Variants in ZZEF1 observed in about 807,000 individuals in gnomAD.
The protein encoded by ZZEF1 is zinc finger ZZ-type and EF-hand domain containing 1, also known as zinc finger ZZ-type and EF-hand domain-containing protein 1.
A neutral mutation model predicts 342.8 loss-of-function variants in ZZEF1; 157 were observed. The observed-to-expected ratio is 0.46, with a 90% CI of 0.40 to 0.52. The LOEUF (loss-of-function observed/expected upper bound fraction) is 0.52. Ranked by LOEUF, ZZEF1 falls within the 20% of genes least tolerant of loss-of-function variation. The pLI is 0.00. For synonymous variants in ZZEF1, 1,505 were observed against 1,429.1 expected (o/e 1.05, Z -1.20); for missense variants, 3,480 against 3,725.6 (o/e 0.93, Z 1.72).
chr17:4,068,143 T>C (rs2057438740), intron 26 of ZZEF1, among the ~76,000 whole-genome samples: 1 of 152,164 alleles, frequency 6.6e-6, no homozygotes, highest in South Asian at 2.1e-4. Context: ...TACATACATA[T>C]GAATATACCT....
chr17:4,138,153 T>C (rs867949208), intron 1 of ZZEF1, among the ~76,000 whole-genome samples: 1 of 152,134 alleles, frequency 6.6e-6, no homozygotes, highest in Admixed American at 6.5e-5. Flanking sequence ...GTCCCTTGGG[T>C]AGTGGAGAGC....
intron 11 of ZZEF1, among the ~76,000 whole-genome samples, chr17:4,093,249 T>C (rs754153602): frequency 6.6e-6 from 1 of 152,192 alleles, no homozygotes; most frequent in Non-Finnish European, 1.5e-5. Flanking sequence ...CCCAGTGTCA[T>C]CTCTAGTTAT....
chr17:4,094,549 G>C (rs2727067), intron 11 of ZZEF1, among the ~76,000 whole-genome samples: 1 of 148,962 alleles, frequency 6.7e-6, no homozygotes, highest in African/African-American at 2.4e-5. Context: ...ATTGGCTACC[G>C]ATTATCCATT....
chr17:4,039,060 G>C (rs1163150085), intron 39 of ZZEF1, among the ~76,000 whole-genome samples: 1 of 151,996 alleles, frequency 6.6e-6, no homozygotes, highest in Admixed American at 6.6e-5. Context: ...AGATTATTAG[G>C]GGAAAATAAC....
At chr17:4,141,440 A>C (rs2145636373) in intron 1 of ZZEF1, among the ~76,000 whole-genome samples, 1 of 152,280 alleles carries the variant, frequency 6.6e-6, no homozygotes, top group South Asian at 2.1e-4. Context: ...TGACTGGCTA[A>C]CTCATTTTCA....
chr17:4,021,620 G>A (rs574531103), intron 44 of ZZEF1, among the ~76,000 whole-genome samples: 2 of 152,288 alleles, frequency 1.3e-5, no homozygotes, highest in South Asian at 4.1e-4. Flanking sequence ...ATGCTCATAT[G>A]CTTTCACCCA....
intron 11 of ZZEF1, 102 bp downstream of exon 11, chr17:4,095,724 AAAGAC>A: frequency 8.0e-7 from 1 of 1,255,584 alleles, no homozygotes; most frequent in Middle Eastern, 2.8e-4. Context: ...CCTTTTCTAT[AAAGAC>A]AAGCAAGCAC....
intron 8 of ZZEF1, 149 bp from the exon 9 acceptor site, chr17:4,102,564 CA>C: frequency 1.6e-6 from 1 of 630,390 alleles, no homozygotes. Context: ...GCAGTAATAT[CA>C]GACAAAAGTT....
intron 34 of ZZEF1, 74 bp downstream of exon 34, chr17:4,053,983 T>C (rs753572438): frequency 6.7e-6 from 10 of 1,500,292 alleles, no homozygotes; most frequent in Non-Finnish European, 8.9e-6. Context: ...TGAGAGTTTT[T>C]AAAAATGACA....
chr17:4,075,524 A>G, intron 21 of ZZEF1, 95 bp from the exon 22 acceptor site: 1 of 1,441,412 alleles, frequency 6.9e-7, no homozygotes, highest in Non-Finnish European at 9.4e-7. Flanking sequence ...CTCCAGGCAG[A>G]TGGCCTTGAC....
intron 31 of ZZEF1, 40 bp from the exon 32 acceptor site, chr17:4,058,195 C>T (rs781839): frequency 0.41 from 635,706 of 1,565,814 alleles, 134,718 homozygotes; most frequent in African/African-American, 0.75. Flanking sequence ...GAGCTGCTTA[C>T]TCCCAACAGA....
chr17:4,058,967 T>C (rs369839068), intron 31 of ZZEF1, among the ~76,000 whole-genome samples: 8 of 151,686 alleles, frequency 5.3e-5, no homozygotes, highest in African/African-American at 1.9e-4. Context: ...AAAAAGAAAA[T>C]ATACACACCA....
Position 4,142,985 on chromosome 17 carries a change from G to A in ZZEF1, c.-90C>T. 1 of 1,263,356 alleles carries A rather than the reference G, an allele frequency of 7.9e-7. No individual in the cohort carries two copies. Among genetic ancestry groups the A allele is most frequent in the Non-Finnish European group, 9.9e-7 (1 of 1,008,478 alleles). 78.3% of individuals were successfully genotyped at this position (1,263,356 alleles called of 1,614,324 possible). A position where few individuals can be genotyped will look rare whatever the true frequency, so the allele number is the denominator to read the frequency against. On this transcript the variant is annotated 5_prime_UTR_variant, in exon 1 of 55. Coordinates refer to ENST00000381638, the MANE Select transcript of ZZEF1 (RefSeq NM_015113.4). ...AACCTCCGACAGCAGCTGGCGGGCGGGGACGCGGAGGAGACGACGGCGGCC... is the reference window on the plus strand; with the variant it reads ...AACCTCCGACAGCAGCTGGCGGGCGAGGACGCGGAGGAGACGACGGCGGCC...
intron 6 of ZZEF1, among the ~76,000 whole-genome samples, chr17:4,107,066 C>T (rs117150899): frequency 3.7e-3 from 566 of 152,282 alleles, no homozygotes; most frequent in Middle Eastern, 0.02. Context: ...AAGTAGCATG[C>T]GATCATTTAC....
chr17:4,093,478 C>A (rs2057981803), intron 11 of ZZEF1, among the ~76,000 whole-genome samples: 1 of 152,168 alleles, frequency 6.6e-6, no homozygotes, highest in Non-Finnish European at 1.5e-5. Context: ...GCTGACCGAA[C>A]CTTTGCCAGG....
intron 1 of ZZEF1, among the ~76,000 whole-genome samples, chr17:4,141,270 A>G (rs540347457): frequency 6.6e-6 from 1 of 152,338 alleles, no homozygotes; most frequent in South Asian, 2.1e-4. Flanking sequence ...GAAACACACA[A>G]ACTACATTAT....
At chr17:4,034,479 C>T (rs781201571) in intron 39 of ZZEF1, among the ~76,000 whole-genome samples, 187 bp from the exon 40 acceptor site, 1 of 152,134 alleles carries the variant, frequency 6.6e-6, no homozygotes, top group Non-Finnish European at 1.5e-5. Flanking sequence ...ATCTTACAAT[C>T]CTACTTCTAA....
chr17:4,070,716 G>A lies in ZZEF1; in HGVS notation c.4043C>T (p.Thr1348Ile), dbSNP rs1194828727. Residue 1348 changes from threonine (T) to isoleucine (I), a missense_variant, in exon 26 of 55, where the codon ACT becomes ATT. Coordinates refer to ENST00000381638, the MANE Select transcript of ZZEF1 (RefSeq NM_015113.4). The stretch of plus-strand genomic sequence containing the variant: ...TTGCAGCTTCTCATATAAATCTGGA[G>A]TGCGATACACCAGAGCAGCAAAGGT... ...NATFAALVYR[T>I]PDLYEKLQKY... 2 of 1,613,994 alleles carry A rather than the reference G, an allele frequency of 1.2e-6. No individual in the cohort carries two copies. Among genetic ancestry groups the A allele is most frequent in the Non-Finnish European group, 1.7e-6 (2 of 1,179,988 alleles).
Position 4,137,550 on chromosome 17 carries a change from T to C in ZZEF1, c.354+4992A>G, listed in dbSNP as rs971361571. Among the ~76,000 whole-genome samples, 12 of 152,186 alleles carry C rather than the reference T, an allele frequency of 7.9e-5. 1 individual carries two copies. Among genetic ancestry groups the C allele is most frequent in the Admixed American group, 3.9e-4 (6 of 15,278 alleles). On this transcript the variant is annotated intron_variant, in intron 1 of 54. Coordinates refer to ENST00000381638, the MANE Select transcript of ZZEF1 (RefSeq NM_015113.4). ...TGGTGTGAACCTGGGAGGCGGAGCT[T>C]GCAGTGAGCCAAGATTGTGCCACTG...
Sources: allele counts gnomAD v4.1 joint callset (sites outside exome capture counted in the v4.1 genomes callset), GRCh38; gene constraint gnomAD v4.1.1; transcripts MANE v1.5; gene names NCBI Gene and HGNC (gene_info 2026-07-23, HGNC 2026-07-21).